Variants in MED12L observed in about 807,000 individuals in gnomAD.
MED12L encodes mediator of RNA polymerase II transcription subunit 12-like protein.
Under a neutral mutation model 281.3 loss-of-function variants are expected in MED12L, and 60 were observed. That is an observed-to-expected ratio of 0.21 (90% CI 0.17 to 0.26). The LOEUF (loss-of-function observed/expected upper bound fraction) is 0.26, where lower values mean the gene tolerates loss of function less well. Ranked by LOEUF, MED12L falls within the 10% of genes least tolerant of loss-of-function variation. MED12L has a pLI of 1.00. For synonymous variants in MED12L, 974 were observed against 987.2 expected (o/e 0.99, Z 0.25); for missense variants, 2,146 against 2,680.9 (o/e 0.80, Z 4.41).
Position 151,369,557 on chromosome 3 carries a change from T to A in MED12L, c.3664+8T>A. On this transcript the variant is annotated splice_region_variant and intron_variant, in intron 26 of 44. Coordinates refer to ENST00000687756, the MANE Select transcript of MED12L (RefSeq NM_001393769.1). Reference sequence around the variant, plus strand: ...AAGCAATTATGATGCTTGGTAAGATTATTCTGACCCTAAGCTTCTTGGTTA... The same window carrying A: ...AAGCAATTATGATGCTTGGTAAGATAATTCTGACCCTAAGCTTCTTGGTTA... The A allele has an allele frequency of 6.4e-7, 1 of 1,559,452 alleles. No individual in the cohort carries two copies. Among genetic ancestry groups the A allele is most frequent in the Non-Finnish European group, 8.8e-7 (1 of 1,140,160 alleles).
In MED12L at chr3:151,377,060, C is replaced by T. The variant is rs748973728; in HGVS notation, c.4198C>T (p.Gln1400Ter). The change falls in exon 30 of 45, where the codon CAG (glutamine) becomes TAG (stop). Residue 1400 changes from glutamine to a stop codon, truncating the protein, a stop_gained. Transcript: ENST00000687756. LOFTEE classifies it high-confidence loss of function. Reference sequence around the variant, plus strand: ...TGCAAAGGCAACAATAGAGGTATTCCAGCAGTCTGCAGACCTAAATAATTC... The same window carrying T: ...TGCAAAGGCAACAATAGAGGTATTCTAGCAGTCTGCAGACCTAAATAATTC... ...NIAKATIEVF[Q>*]QSADLNNSSN... 6.2e-7 allele frequency: 1 copy of T among 1,613,962 alleles called. No homozygotes were observed. Among genetic ancestry groups the T allele is most frequent in the Non-Finnish European group, 8.5e-7 (1 of 1,179,970 alleles).
intron 36 of MED12L, among the ~76,000 whole-genome samples, chr3:151,386,630 G>T (rs1713412818): frequency 1.3e-5 from 2 of 148,998 alleles, no homozygotes; most frequent in South Asian, 4.3e-4. Flanking sequence ...AGGCTGGAGT[G>T]CAGTGGCGTG....
intron 40 of MED12L, 53 bp from the exon 41 acceptor site, chr3:151,411,225 A>G: frequency 2.0e-6 from 3 of 1,504,042 alleles, no homozygotes; most frequent in Non-Finnish European, 2.8e-6. Context: ...TAGTGATGGG[A>G]AAGCTAGGTG....
At chr3:151,125,061 G>A (rs1424486012) in intron 4 of MED12L, among the ~76,000 whole-genome samples, 3 of 152,238 alleles carry the variant, frequency 2.0e-5, no homozygotes, top group African/African-American at 4.8e-5. Flanking sequence ...AGATGCGGCT[G>A]TAGCTTGATT....
At chr3:151,261,892 T>C (rs1738985805) in intron 16 of MED12L, among the ~76,000 whole-genome samples, 1 of 151,808 alleles carries the variant, frequency 6.6e-6, no homozygotes, top group Admixed American at 6.6e-5. Context: ...GCCTGGCTAA[T>C]TTTTTTGTAT....
At chr3:151,391,510 CT>C (rs1427792539) in intron 38 of MED12L, among the ~76,000 whole-genome samples, 2 of 152,178 alleles carry the variant, frequency 1.3e-5, no homozygotes, top group Non-Finnish European at 2.9e-5. Context: ...AATCTTTTGG[CT>C]TCCTTGGGCC....
At chr3:151,356,251 T>G (rs1336836149) in intron 19 of MED12L, among the ~76,000 whole-genome samples, 1 of 151,852 alleles carries the variant, frequency 6.6e-6, no homozygotes, top group East Asian at 1.9e-4. Context: ...AATTTAAAAA[T>G]TAGCTGGTTG....
intron 21 of MED12L, among the ~76,000 whole-genome samples, chr3:151,361,791 C>T (rs73008505): frequency 0.022 from 3,348 of 152,160 alleles, 119 homozygotes; most frequent in African/African-American, 0.078. Context: ...TTCTTCACTC[C>T]GTTTGTCTTT....
rs1192092356 is a variant in MED12L, at chr3:151,434,487, C to CTTTTCACTAAATTAATAGTCTATCT, written c.*1684_*1708dup. ...CTTTGCCAAAACATTAAAAACTATT[C>CTTTTCACTAAATTAATAGTCTATCT]TTTTCACTAAATTAATAGTCTATCT... is the stretch of plus-strand genomic sequence containing the variant. On this transcript the variant is annotated 3_prime_UTR_variant, in exon 45 of 45. Transcript: ENST00000687756. The CTTTTCACTAAATTAATAGTCTATCT allele has an allele frequency of 6.7e-6, 1 of 150,230 alleles. No homozygotes were observed. Among genetic ancestry groups the CTTTTCACTAAATTAATAGTCTATCT allele is most frequent in the Non-Finnish European group, 1.5e-5 (1 of 67,724 alleles). 9.3% of individuals were successfully genotyped at this position (150,230 alleles called of 1,614,324 possible). A position where few individuals can be genotyped will look rare whatever the true frequency, so the allele number is the denominator to read the frequency against.
chr3:151,163,056 A>G (rs183468577), intron 8 of MED12L, among the ~76,000 whole-genome samples: 2 of 152,366 alleles, frequency 1.3e-5, no homozygotes, highest in East Asian at 3.9e-4. Flanking sequence ...GAGGCAGGAT[A>G]ACATAGTGGT....
chr3:151,132,786 C>T (rs1270568127), intron 5 of MED12L, among the ~76,000 whole-genome samples: 1 of 152,212 alleles, frequency 6.6e-6, no homozygotes, highest in Non-Finnish European at 1.5e-5. Flanking sequence ...CTTTGTTACA[C>T]CTGATACCTC....
intron 39 of MED12L, among the ~76,000 whole-genome samples, chr3:151,404,178 G>A (rs1716023957): frequency 6.6e-6 from 1 of 152,152 alleles, no homozygotes; most frequent in African/African-American, 2.4e-5. Context: ...TTAATTCAAA[G>A]TAATGAAAAT....
In MED12L at chr3:151,193,930, C is replaced by T. The variant is rs1323932256; in HGVS notation, c.2250+264C>T. Among the ~76,000 whole-genome samples, 7 of 149,650 alleles carry T rather than the reference C, an allele frequency of 4.7e-5. No homozygotes were observed. The East Asian group carries it at 1.4e-3, about 29-fold the overall frequency. ...CTTTTATTAAAGAGCATTTGAGTCACTGCAGGTGATGTCTAAATGTGTTTT... is the reference window on the plus strand; with the variant it reads ...CTTTTATTAAAGAGCATTTGAGTCATTGCAGGTGATGTCTAAATGTGTTTT... On this transcript the variant is annotated intron_variant, in intron 16 of 44. Transcript: ENST00000687756.
At chr3:151,312,140 T>G (rs1206435580) in intron 16 of MED12L, among the ~76,000 whole-genome samples, 1 of 152,206 alleles carries the variant, frequency 6.6e-6, no homozygotes, top group Non-Finnish European at 1.5e-5. Context: ...GTGATTTATT[T>G]TCAGTTTTAT....
At chr3:151,231,874 C>G (rs1004134354) in intron 16 of MED12L, among the ~76,000 whole-genome samples, 2 of 152,130 alleles carry the variant, frequency 1.3e-5, no homozygotes, top group African/African-American at 4.8e-5. Flanking sequence ...TGATTACCTG[C>G]AACTTATTTT....
chr3:151,133,683 C>G (rs533490155), intron 5 of MED12L, among the ~76,000 whole-genome samples: 3 of 151,514 alleles, frequency 2.0e-5, no homozygotes, highest in Admixed American at 2.0e-4. Flanking sequence ...AGGGAGAGTA[C>G]GCCAGAAATA....
At chr3:151,164,923 A>G (rs1720491259) in intron 9 of MED12L, among the ~76,000 whole-genome samples, 1 of 152,116 alleles carries the variant, frequency 6.6e-6, no homozygotes, top group Non-Finnish European at 1.5e-5. Flanking sequence ...TAATGGGTGC[A>G]GCACACCAAC....
intron 5 of MED12L, among the ~76,000 whole-genome samples, chr3:151,129,388 GA>G (rs1715021438): frequency 6.6e-6 from 1 of 151,836 alleles, no homozygotes; most frequent in Non-Finnish European, 1.5e-5. Flanking sequence ...AAATGCCCAG[GA>G]AAAAATACTA....
chr3:151,293,660 CA>C (rs1744614347), intron 16 of MED12L, among the ~76,000 whole-genome samples: 2 of 135,438 alleles, frequency 1.5e-5, no homozygotes, highest in Non-Finnish European at 3.2e-5. Flanking sequence ...CACACACACA[CA>C]CACACACACA....
Sources: gnomAD v4.1 joint callset for allele counts (sites outside exome capture counted in the v4.1 genomes callset) on GRCh38, gnomAD v4.1.1 for gene constraint, MANE v1.5 for transcripts, NCBI Gene and HGNC (gene_info 2026-07-23, HGNC 2026-07-21) for gene names.